Variants in INPP4B observed in about 807,000 individuals in gnomAD.
INPP4B encodes inositol polyphosphate 4-phosphatase type II.
Under a neutral mutation model 122.5 loss-of-function variants are expected in INPP4B, and 55 were observed. The ratio of observed to expected loss-of-function variants is 0.45; its 90% CI spans 0.36 to 0.56. The LOEUF (loss-of-function observed/expected upper bound fraction) is 0.56. Ranked by LOEUF, INPP4B falls within the 20% of genes least tolerant of loss-of-function variation. The probability of loss-of-function intolerance (pLI) is 0.00; values close to 1 mark genes in which losing one functional copy is unlikely to be tolerated. For synonymous variants in INPP4B, 403 were observed against 388.7 expected (o/e 1.04, Z -0.43); for missense variants, 1,000 against 1,097.7 (o/e 0.91, Z 1.26).
At chr4:142,699,765 T>A (rs1045529073) in intron 2 of INPP4B, among the ~76,000 whole-genome samples, 6 of 152,142 alleles carry the variant, frequency 3.9e-5, no homozygotes, top group African/African-American at 1.4e-4. Flanking sequence ...CATCAAAAGG[T>A]ATGCAATATC....
At chr4:142,403,783 T>C (rs1004805813) in intron 6 of INPP4B, among the ~76,000 whole-genome samples, 11 of 152,204 alleles carry the variant, frequency 7.2e-5, no homozygotes, top group Non-Finnish European at 1.5e-4. Context: ...GCCCAAGTAA[T>C]TCATTCATTT....
chr4:142,270,278 A>T (rs1367245980), intron 10 of INPP4B, among the ~76,000 whole-genome samples: 1 of 152,148 alleles, frequency 6.6e-6, no homozygotes, highest in Non-Finnish European at 1.5e-5. Context: ...TATCTTTCCA[A>T]AGAGGGTTTT....
chr4:142,310,808 T>G (rs1030121469), intron 8 of INPP4B, among the ~76,000 whole-genome samples: 9 of 151,498 alleles, frequency 5.9e-5, no homozygotes, highest in African/African-American at 9.7e-5. Context: ...TGGGAAGAAA[T>G]CTATTAAAAG....
chr4:142,199,005 C>A (rs919037455), intron 14 of INPP4B, among the ~76,000 whole-genome samples: 1 of 152,002 alleles, frequency 6.6e-6, no homozygotes, highest in African/African-American at 2.4e-5. Context: ...ATACTTACTT[C>A]TTCCTCTTTC....
intron 2 of INPP4B, among the ~76,000 whole-genome samples, chr4:142,571,799 GTTAT>G (rs1580397248): frequency 1.3e-5 from 2 of 152,116 alleles, no homozygotes; most frequent in African/African-American, 4.8e-5. Context: ...CAGAGCACAA[GTTAT>G]TTATTTTTTT....
chr4:142,515,556 G>A (rs919090268), intron 2 of INPP4B, among the ~76,000 whole-genome samples: 8 of 152,144 alleles, frequency 5.3e-5, no homozygotes, highest in Admixed American at 4.6e-4. Flanking sequence ...ACCCAAGGGT[G>A]TAAGGGAATT....
At chr4:142,602,664 A>T (rs533108243) in intron 2 of INPP4B, among the ~76,000 whole-genome samples, 2 of 152,330 alleles carry the variant, frequency 1.3e-5, no homozygotes, top group Non-Finnish European at 2.9e-5. Context: ...CCACAATGAG[A>T]TATCATCTCA....
intron 2 of INPP4B, among the ~76,000 whole-genome samples, chr4:142,476,622 T>A (rs1200839584): frequency 6.6e-6 from 1 of 152,102 alleles, no homozygotes; most frequent in Admixed American, 6.6e-5. Flanking sequence ...TGGAGAAATA[T>A]CTACCAAGCA....
At chr4:142,637,852 G>A (rs1451736399) in intron 2 of INPP4B, among the ~76,000 whole-genome samples, 3 of 152,132 alleles carry the variant, frequency 2.0e-5, no homozygotes, top group African/African-American at 7.2e-5. Flanking sequence ...TATGCTCACC[G>A]ACATTTGGCG....
intron 2 of INPP4B, among the ~76,000 whole-genome samples, chr4:142,481,397 C>T (rs1187777980): frequency 2.0e-5 from 3 of 152,068 alleles, no homozygotes; most frequent in African/African-American, 7.2e-5. Context: ...ACCCCTACAA[C>T]CACTAAAAGC....
intron 2 of INPP4B, among the ~76,000 whole-genome samples, chr4:142,543,164 C>T (rs1829136036): frequency 2.6e-5 from 4 of 152,148 alleles, no homozygotes; most frequent in African/African-American, 4.8e-5. Context: ...AATATTCTTA[C>T]ATTTAAATGT....
intron 2 of INPP4B, among the ~76,000 whole-genome samples, chr4:142,679,743 T>C (rs1477351581): frequency 6.6e-6 from 1 of 151,770 alleles, no homozygotes; most frequent in Non-Finnish European, 1.5e-5. Flanking sequence ...GTACTCTCTA[T>C]CGGATAACTT....
intron 8 of INPP4B, among the ~76,000 whole-genome samples, chr4:142,310,328 T>A (rs914167140): frequency 6.6e-6 from 1 of 152,158 alleles, no homozygotes; most frequent in Non-Finnish European, 1.5e-5. Context: ...TATAATTTAT[T>A]GTATTGATTA....
chr4:142,673,718 C>G (rs774566203), intron 2 of INPP4B, among the ~76,000 whole-genome samples: 1 of 152,090 alleles, frequency 6.6e-6, no homozygotes, highest in Non-Finnish European at 1.5e-5. Flanking sequence ...GAAGGACAAC[C>G]TGAGTGTCAG....
intron 19 of INPP4B, among the ~76,000 whole-genome samples, chr4:142,123,743 T>C (rs549839763): frequency 2.2e-4 from 34 of 152,260 alleles, no homozygotes; most frequent in Non-Finnish European, 3.2e-4. Context: ...TTTTTGTACA[T>C]GTAAAATAGA....
At chr4:142,744,829 A>C (rs1768452022) in intron 1 of INPP4B, among the ~76,000 whole-genome samples, 1 of 151,860 alleles carries the variant, frequency 6.6e-6, no homozygotes, top group Non-Finnish European at 1.5e-5. Flanking sequence ...AGAGTCATAA[A>C]AATAAATAGA....
Position 142,398,445 on chromosome 4 carries a change from T to TATAAA in INPP4B, c.372+4492_372+4493insTTTAT, listed in dbSNP as rs749321202. 3.3e-3 allele frequency among the ~76,000 whole-genome samples: 243 copies of TATAAA among 74,114 alleles called. 2 individuals carry two copies. Among genetic ancestry groups the TATAAA allele is most frequent in the Non-Finnish European group, 4.6e-3 (197 of 42,722 alleles). 48.6% of individuals were successfully genotyped at this position (74,114 alleles called of 152,430 possible). ...ATATATATATATATATATATATATA[T>TATAAA]AAAACATATTAAACATAGTGCTTGG... On this transcript the variant is annotated intron_variant, in intron 7 of 25. Transcript: ENST00000262992.
intron 1 of INPP4B, among the ~76,000 whole-genome samples, chr4:142,823,188 A>G (rs1263125105): frequency 6.6e-6 from 1 of 152,196 alleles, no homozygotes; most frequent in Non-Finnish European, 1.5e-5. Flanking sequence ...GAAGCTCAGA[A>G]GGCAGAGAGC....
intron 1 of INPP4B, among the ~76,000 whole-genome samples, chr4:142,748,816 A>C (rs545378654): frequency 6.6e-6 from 1 of 152,190 alleles, no homozygotes; most frequent in East Asian, 1.9e-4. Context: ...TTGGAAGCAC[A>C]AAACAACAGC....
Sources: allele counts gnomAD v4.1 joint callset (sites outside exome capture counted in the v4.1 genomes callset), GRCh38; gene constraint gnomAD v4.1.1; transcripts MANE v1.5; gene names NCBI Gene and HGNC (gene_info 2026-07-23, HGNC 2026-07-21).